Variants in CCDC7 observed in about 807,000 individuals in gnomAD.
CCDC7 encodes the protein coiled-coil domain containing 7, also known as coiled-coil domain-containing protein 7.
A neutral mutation model predicts 196.9 loss-of-function variants in CCDC7; 183 were observed. The observed-to-expected ratio is 0.93, with a 90% CI of 0.82 to 1.05. The LOEUF (loss-of-function observed/expected upper bound fraction) is 1.05, where lower values mean the gene tolerates loss of function less well. Among genes scored for constraint, CCDC7 ranks in the 50% least tolerant of loss-of-function variants. CCDC7 has a pLI of 0.00. For missense variants in CCDC7, 1,540 were observed against 1,482.2 expected (o/e 1.04, Z -0.64); for synonymous variants, 525 against 484.6 (o/e 1.08, Z -1.10).
chr10:32,636,473 G>A lies in CCDC7; in HGVS notation c.2014+1315G>A, dbSNP rs568937787. On this transcript the variant is annotated intron_variant, in intron 20 of 41. Coordinates refer to ENST00000639629, the Ensembl canonical transcript of CCDC7. ...AATTCCCACCTATGAGTGAGAACAT[G>A]CGGTGTTTGGTTTTTTGTCCTTGCG... Among the ~76,000 whole-genome samples, 11 of 152,200 alleles carry A rather than the reference G, an allele frequency of 7.2e-5. No homozygotes were observed. The East Asian group carries it at 1.5e-3, about 21-fold the overall frequency.
chr10:32,483,777 C>T (rs571102221), intron 8 of CCDC7, among the ~76,000 whole-genome samples: 1 of 152,116 alleles, frequency 6.6e-6, no homozygotes, highest in Non-Finnish European at 1.5e-5. Context: ...TCTTGTTTTT[C>T]TCAGGTTTGT....
chr10:32,464,355 A>G (rs1294227713), intron 5 of CCDC7, among the ~76,000 whole-genome samples: 2 of 152,162 alleles, frequency 1.3e-5, no homozygotes, highest in Non-Finnish European at 2.9e-5. Flanking sequence ...AATTCCTGCT[A>G]CCTAACACAA....
intron 18 of CCDC7, among the ~76,000 whole-genome samples, chr10:32,633,694 A>ATG (rs1160888319): frequency 8.9e-6 from 1 of 112,962 alleles, no homozygotes; most frequent in African/African-American, 4.2e-5. Context: ...ATATATATAT[A>ATG]TATGTGTGTG....
At chr10:32,756,879 A>G (rs1245636626) in intron 28 of CCDC7, among the ~76,000 whole-genome samples, 1 of 152,212 alleles carries the variant, frequency 6.6e-6, no homozygotes, top group South Asian at 2.1e-4. Context: ...AGACACACAT[A>G]GGCTCAAAAT....
chr10:32,738,569 G>A (rs764286145), intron 28 of CCDC7, among the ~76,000 whole-genome samples: 9 of 146,492 alleles, frequency 6.1e-5, no homozygotes, highest in Non-Finnish European at 1.0e-4. Flanking sequence ...CGACCTCCTG[G>A]GCTCAAGTGA....
intron 18 of CCDC7, among the ~76,000 whole-genome samples, chr10:32,601,778 G>A (rs1490966326): frequency 1.3e-5 from 2 of 152,128 alleles, no homozygotes; most frequent in Non-Finnish European, 2.9e-5. Flanking sequence ...CTAGCTAAAG[G>A]ATTGTAAATG....
In CCDC7 at chr10:32,471,236, TGAAATATAA is replaced by T. The variant is rs759043539; in HGVS notation, c.677+10_677+18del. 1.6e-5 allele frequency: 26 copies of T among 1,602,604 alleles called. No homozygotes were observed. Among genetic ancestry groups the T allele is most frequent in the Non-Finnish European group, 2.1e-5 (25 of 1,176,652 alleles). On this transcript the variant is annotated splice_region_variant and intron_variant, in intron 6 of 41. Transcript: ENST00000639629. The stretch of plus-strand genomic sequence containing the variant: ...GTCATGTTGTCTAAAACTATGTAAG[TGAAATATAA>T]GAACTAATTGAATTAAAAACAGTAA...
At chr10:32,726,889 G>A in intron 26 of CCDC7, 57 bp downstream of exon 27, 1 of 1,051,450 alleles carries the variant, frequency 9.5e-7, no homozygotes, top group South Asian at 1.7e-5. Context: ...CTTATCAGAA[G>A]ATCTTTGCCT....
intron 28 of CCDC7, among the ~76,000 whole-genome samples, chr10:32,753,132 G>A (rs1189258446): frequency 6.6e-6 from 1 of 152,092 alleles, no homozygotes; most frequent in East Asian, 1.9e-4. Flanking sequence ...TTGTAGCTCT[G>A]AAGGTGGCTC....
At chr10:32,798,081 G>T (rs1296405449) in intron 29 of CCDC7, among the ~76,000 whole-genome samples, 1 of 152,222 alleles carries the variant, frequency 6.6e-6, no homozygotes, top group Non-Finnish European at 1.5e-5. Flanking sequence ...AGCATTCCAT[G>T]AGTCCATGGA....
At chr10:32,819,296 C>T (rs941625046) in intron 31 of CCDC7, among the ~76,000 whole-genome samples, 3 of 152,308 alleles carry the variant, frequency 2.0e-5, no homozygotes, top group African/African-American at 7.2e-5. Context: ...AGACCAATAA[C>T]AGGCTCTGAA....
At chr10:32,815,756 A>G (rs946882820) in intron 31 of CCDC7, among the ~76,000 whole-genome samples, 5 of 152,226 alleles carry the variant, frequency 3.3e-5, no homozygotes, top group African/African-American at 1.2e-4. Flanking sequence ...GAGGAAAACA[A>G]TTCATCCCGT....
At chr10:32,719,842 TG>T (rs1456122895) in intron 25 of CCDC7, among the ~76,000 whole-genome samples, 1 of 152,110 alleles carries the variant, frequency 6.6e-6, no homozygotes, top group Non-Finnish European at 1.5e-5. Flanking sequence ...TCAATTAGAA[TG>T]GTGATCATTA....
At chr10:32,499,401 T>C (rs1043235327) in intron 9 of CCDC7, 3 of 152,168 alleles carry the variant, frequency 2.0e-5, no homozygotes. Context: ...TCTAAAATTA[T>C]TGTGATTCCA....
chr10:32,727,254 A>T (rs1303211008), intron 26 of CCDC7, among the ~76,000 whole-genome samples: 1 of 152,126 alleles, frequency 6.6e-6, no homozygotes, highest in Non-Finnish European at 1.5e-5. Context: ...GAATTATAGG[A>T]GCCAAGGAGA....
At chr10:32,695,492 T>C (rs1055902352) in intron 24 of CCDC7, among the ~76,000 whole-genome samples, 9 of 152,226 alleles carry the variant, frequency 5.9e-5, no homozygotes, top group African/African-American at 2.2e-4. Flanking sequence ...GTCTTATTGG[T>C]AACCTGATAG....
At chr10:32,467,314 G>C (rs1001309259) in intron 5 of CCDC7, among the ~76,000 whole-genome samples, 1 of 149,236 alleles carries the variant, frequency 6.7e-6, no homozygotes, top group Non-Finnish European at 1.5e-5. Context: ...GTTTCACCAT[G>C]TTGTCCAGGC....
rs542130905 is a variant in CCDC7, at chr10:32,732,844, T to G, written c.2905+3387T>G. Reference sequence around the variant, plus strand: ...AGATATTAACATAGCATCTTTTTAATATTAGTATTTGCAGAACACAATTTT... The same window carrying G: ...AGATATTAACATAGCATCTTTTTAAGATTAGTATTTGCAGAACACAATTTT... On this transcript the variant is annotated intron_variant, in intron 28 of 41. Transcript: ENST00000639629. Among the ~76,000 whole-genome samples the G allele has an allele frequency of 2.4e-4, 37 of 152,262 alleles. No homozygotes were observed. The East Asian group carries it at 6.6e-3, about 27-fold the overall frequency.
chr10:32,483,502 C>A (rs888124861), intron 8 of CCDC7, among the ~76,000 whole-genome samples: 27 of 152,074 alleles, frequency 1.8e-4, no homozygotes, highest in African/African-American at 5.6e-4. Flanking sequence ...TAGTTTAATT[C>A]GATCCCATTT....
Sources: gnomAD v4.1 joint callset for allele counts (sites outside exome capture counted in the v4.1 genomes callset) on GRCh38, gnomAD v4.1.1 for gene constraint, MANE v1.5 for transcripts, NCBI Gene and HGNC (gene_info 2026-07-23, HGNC 2026-07-21) for gene names.